FIRRM: variants seen among roughly 807,000 people sequenced by gnomAD.
FIRRM encodes FIGNL1 interacting regulator of recombination and mitosis.
chr1:169,798,756 C>G, the FIRRM span: 1 of 363,470 alleles, frequency 2.8e-6, no homozygotes, highest in Non-Finnish European at 4.9e-6. Flanking sequence ...CCTAATAAAT[C>G]TTAAGTTTTT....
chr1:169,810,640 A>G, the FIRRM span, among the ~76,000 whole-genome samples: 15 of 151,794 alleles, frequency 9.9e-5, no homozygotes, highest in East Asian at 3.9e-4. Flanking sequence ...CAATAACCCT[A>G]TTTCCAAATA....
chr1:169,847,511 C>CTAT, the FIRRM span, among the ~76,000 whole-genome samples: 1 of 152,116 alleles, frequency 6.6e-6, no homozygotes, highest in African/African-American at 2.4e-5. Context: ...TTAACTTGTT[C>CTAT]ATAGGATTGT....
chr1:169,853,714 C>T, the FIRRM span: 1 of 1,613,502 alleles, frequency 6.2e-7, no homozygotes, highest in Non-Finnish European at 8.5e-7. Context: ...CATCTATTGT[C>T]ACCAGTTATT....
the FIRRM span, chr1:169,803,994 C>G: frequency 1.4e-5 from 12 of 865,704 alleles, no homozygotes; most frequent in Non-Finnish European, 1.6e-5. Context: ...AATTTATGAT[C>G]TCTAATAGTA....
chr1:169,799,632 A>G, the FIRRM span, among the ~76,000 whole-genome samples: 1 of 151,962 alleles, frequency 6.6e-6, no homozygotes, highest in African/African-American at 2.4e-5. Context: ...GCTCACTGCA[A>G]CCTCCACCTT....
chr1:169,844,750 A>G, the FIRRM span, among the ~76,000 whole-genome samples: 5 of 152,352 alleles, frequency 3.3e-5, no homozygotes, highest in East Asian at 9.6e-4. Flanking sequence ...AAAAAATACA[A>G]TAATTTTGAT....
At chr1:169,835,302 T>C in the FIRRM span, among the ~76,000 whole-genome samples, 1 of 152,206 alleles carries the variant, frequency 6.6e-6, no homozygotes, top group Non-Finnish European at 1.5e-5. Context: ...GATGTTAGAA[T>C]GCATTTACTG....
At chr1:169,835,820 CCAGTTGGCA>C in the FIRRM span, among the ~76,000 whole-genome samples, 1 of 152,130 alleles carries the variant, frequency 6.6e-6, no homozygotes, top group Non-Finnish European at 1.5e-5. Flanking sequence ...CTGATGTTTA[CCAGTTGGCA>C]CAGTTCTCTT....
At chr1:169,811,572 T>C in the FIRRM span, among the ~76,000 whole-genome samples, 6 of 152,086 alleles carry the variant, frequency 3.9e-5, no homozygotes, top group Non-Finnish European at 8.8e-5. Flanking sequence ...GGAGGATGCA[T>C]TGAGCCCAGG....
the FIRRM span, chr1:169,853,858 A>AAATT: frequency 6.8e-7 from 1 of 1,476,158 alleles, no homozygotes; most frequent in East Asian, 2.3e-5. Flanking sequence ...CAGGAATTTA[A>AAATT]AATTTATCTT....
chr1:169,852,786 C>G, the FIRRM span: 1 of 1,608,620 alleles, frequency 6.2e-7, no homozygotes, highest in Non-Finnish European at 8.5e-7. Context: ...TGTTTTTTTT[C>G]CAGCCTTATG....
the FIRRM span, chr1:169,850,133 T>C: frequency 1.6e-6 from 1 of 614,624 alleles, no homozygotes; most frequent in Admixed American, 2.9e-5. Context: ...CATGAGTTTA[T>C]CACCTTTGAG....
At chr1:169,790,050 C>T in the FIRRM span, among the ~76,000 whole-genome samples, 1 of 152,190 alleles carries the variant, frequency 6.6e-6, no homozygotes, top group Non-Finnish European at 1.5e-5. Flanking sequence ...GATACTGTTA[C>T]ATGAGAAAGC....
chr1:169,849,379 T>C, the FIRRM span: 1 of 671,720 alleles, frequency 1.5e-6, no homozygotes. Flanking sequence ...TGTTTTAGTG[T>C]GTGTCCCCTG....
the FIRRM span, chr1:169,827,251 G>A: frequency 4.9e-6 from 7 of 1,436,524 alleles, no homozygotes; most frequent in African/African-American, 1.4e-5. Context: ...ACATGTTAGA[G>A]ACACTGATTT....
At chr1:169,799,822 G>C in the FIRRM span, among the ~76,000 whole-genome samples, 8 of 152,276 alleles carry the variant, frequency 5.3e-5, no homozygotes, top group Non-Finnish European at 1.0e-4. Flanking sequence ...ATAAGTGCTG[G>C]GATTACAGGC....
At chr1:169,828,773 T>G in the FIRRM span, among the ~76,000 whole-genome samples, 1 of 152,326 alleles carries the variant, frequency 6.6e-6, no homozygotes, top group South Asian at 2.1e-4. Context: ...TTCCAACTCC[T>G]GGGCTCAAGT....
At chr1:169,846,325 T>C in the FIRRM span, among the ~76,000 whole-genome samples, 1 of 152,108 alleles carries the variant, frequency 6.6e-6, no homozygotes, top group African/African-American at 2.4e-5. Flanking sequence ...AGGATTTTTT[T>C]AATAGTAAGT....
the FIRRM span, chr1:169,826,067 AAAC>A: frequency 3.5e-6 from 1 of 286,220 alleles, no homozygotes; most frequent in Non-Finnish European, 6.9e-6. Flanking sequence ...GCCTATTTTA[AAAC>A]AACTTTTTTT....
Sources: gnomAD v4.1 joint callset for allele counts (sites outside exome capture counted in the v4.1 genomes callset) on GRCh38, gnomAD v4.1.1 for gene constraint, MANE v1.5 for transcripts, NCBI Gene and HGNC (gene_info 2026-07-23, HGNC 2026-07-21) for gene names.